Variants in RBFOX1 observed in about 807,000 individuals in gnomAD.
RBFOX1 encodes RNA binding fox-1 homolog 1, also known as RNA binding protein fox-1 homolog 1.
A neutral mutation model predicts 57.7 loss-of-function variants in RBFOX1; 8 were observed. The ratio of observed to expected loss-of-function variants is 0.14; its 90% CI spans 0.08 to 0.25. The LOEUF is 0.25. RBFOX1 is among the 10% of genes least tolerant of loss of function. RBFOX1 has a pLI of 1.00. For missense variants in RBFOX1, 611 were observed against 548.5 expected (o/e 1.11, Z -1.14); for synonymous variants, 326 against 222.4 (o/e 1.47, Z -4.15).
At chr16:6,423,296 C>G (rs1295085555) in intron 2 of RBFOX1, among the ~76,000 whole-genome samples, 1 of 152,174 alleles carries the variant, frequency 6.6e-6, no homozygotes, top group African/African-American at 2.4e-5. Flanking sequence ...GCCATGATCC[C>G]TGTAGGAGGC....
chr16:6,937,545 G>A (rs2077586382), intron 3 of RBFOX1, among the ~76,000 whole-genome samples: 1 of 152,140 alleles, frequency 6.6e-6, no homozygotes, highest in African/African-American at 2.4e-5. Flanking sequence ...ACCCATAGTG[G>A]TCAAGGCACA....
chr16:6,611,539 A>G lies in RBFOX1; in HGVS notation c.-63-43064A>G, dbSNP rs981938902. On this transcript the variant is annotated intron_variant, in intron 2 of 15. Coordinates refer to ENST00000550418, the MANE Select transcript of RBFOX1 (RefSeq NM_018723.4). ...CCCGTGTGATTCTGGTACTCATACA[A>G]CTTGACATTTCTTCTCATCACATGA... Among the ~76,000 whole-genome samples the G allele has an allele frequency of 5.9e-5, 9 of 152,318 alleles. 1 individual carries two copies. In the South Asian group the frequency reaches 1.9e-3, roughly 32 times the overall value.
In RBFOX1 at chr16:5,785,723, C is replaced by G. The variant is rs189758494; in HGVS notation, c.319-81580C>G. 2.6e-5 allele frequency among the ~76,000 whole-genome samples: 4 copies of G among 152,202 alleles called. No homozygotes were observed. In the East Asian group the frequency reaches 7.8e-4, roughly 30 times the overall value. ...TGTATTTTTAATAGAGACAGGGTTTCTCCATGTTGTTCAGGTTGGTCTTGA... is the reference window on the plus strand; with the variant it reads ...TGTATTTTTAATAGAGACAGGGTTTGTCCATGTTGTTCAGGTTGGTCTTGA... On this transcript the variant is annotated intron_variant, in intron 3 of 19. Transcript: ENST00000641259.
chr16:7,216,763 C>G (rs535000345), intron 4 of RBFOX1, among the ~76,000 whole-genome samples: 1 of 152,088 alleles, frequency 6.6e-6, no homozygotes, highest in Non-Finnish European at 1.5e-5. Flanking sequence ...TGTTATAATT[C>G]CTCTTTTCAT....
intron 3 of RBFOX1, among the ~76,000 whole-genome samples, chr16:7,039,892 C>T (rs1467230261): frequency 1.3e-5 from 2 of 151,440 alleles, no homozygotes; most frequent in Non-Finnish European, 2.9e-5. Flanking sequence ...TACTTTCCTA[C>T]TGAAGAGAAT....
rs114403480 is a variant in RBFOX1, at chr16:6,652,479, C to G, written c.-63-2124C>G. On this transcript the variant is annotated intron_variant, in intron 2 of 15. Transcript: ENST00000550418. ...AAAAAAAAAAGCCATGGGTCTGTCT[C>G]CCTTTCTCTCTCTCTCAGAAAGTAT... Among the ~76,000 whole-genome samples the G allele has an allele frequency of 3.4e-3, 519 of 151,950 alleles. 5 individuals are homozygous for G. The highest frequency in any genetic ancestry group is 0.012 in the African/African-American group (496 of 41,460).
chr16:5,594,214 A>AT (rs2047106865), intron 2 of RBFOX1, among the ~76,000 whole-genome samples: 1 of 151,954 alleles, frequency 6.6e-6, no homozygotes, highest in Non-Finnish European at 1.5e-5. Flanking sequence ...TGGAGTGTTT[A>AT]TTTTTTTCCA....
intron 2 of RBFOX1, among the ~76,000 whole-genome samples, chr16:5,563,164 G>A (rs566666250): frequency 8.5e-5 from 13 of 152,164 alleles, no homozygotes; most frequent in Non-Finnish European, 1.8e-4. Flanking sequence ...GGTCAGGCTG[G>A]TCTTGAACTC....
chr16:6,927,704 A>C (rs941023778), intron 3 of RBFOX1, among the ~76,000 whole-genome samples: 3 of 146,586 alleles, frequency 2.0e-5, no homozygotes, highest in Non-Finnish European at 4.5e-5. Flanking sequence ...ATTTTAGGGC[A>C]CTGTAGCAAG....
rs56969136 is a variant in RBFOX1 at position 7,219,612 on chromosome 16, C to T, written c.27+167514C>T. ...GCTGTTGTAGAAAGAACAAGCGTGG[C>T]GGATTTTTCACACTTGATGGGATTG... On this transcript the variant is annotated intron_variant, in intron 4 of 15. Transcript: ENST00000550418. Among the ~76,000 whole-genome samples the T allele has an allele frequency of 8.7e-4, 132 of 152,154 alleles. 1 individual carries two copies. Among genetic ancestry groups the T allele is most frequent in the African/African-American group, 3.0e-3 (126 of 41,492 alleles).
intron 2 of RBFOX1, among the ~76,000 whole-genome samples, chr16:5,506,255 G>A (rs922583892): frequency 6.6e-5 from 10 of 152,226 alleles, no homozygotes; most frequent in Admixed American, 1.3e-4. Context: ...GCCTGCACCA[G>A]CAACTTGCTC....
chr16:6,747,333 G>T (rs1237005866), intron 3 of RBFOX1, among the ~76,000 whole-genome samples: 1 of 152,040 alleles, frequency 6.6e-6, no homozygotes, highest in African/African-American at 2.4e-5. Flanking sequence ...CTTGAACCTA[G>T]GAGGTAGAGA....
chr16:6,014,879 CAA>C (rs989896011), upstream of RBFOX1, among the ~76,000 whole-genome samples: 6 of 149,306 alleles, frequency 4.0e-5, no homozygotes, highest in African/African-American at 1.5e-4. Context: ...TTTCTGAGAC[CAA>C]GTCTCACTCT....
intron 4 of RBFOX1, among the ~76,000 whole-genome samples, chr16:7,502,223 G>A (rs528532630): frequency 4.6e-5 from 7 of 152,186 alleles, no homozygotes; most frequent in Non-Finnish European, 8.8e-5. Flanking sequence ...CAAGTGAGGC[G>A]AATGCAAGCC....
chr16:5,465,950 G>A (rs2068939994), intron 1 of RBFOX1, among the ~76,000 whole-genome samples: 1 of 152,116 alleles, frequency 6.6e-6, no homozygotes, highest in South Asian at 2.1e-4. Flanking sequence ...AGCTCCCAGG[G>A]GCACCTTGTT....
At chr16:7,581,576 T>A (rs923004455) in intron 6 of RBFOX1, among the ~76,000 whole-genome samples, 1 of 152,074 alleles carries the variant, frequency 6.6e-6, no homozygotes, top group African/African-American at 2.4e-5. Flanking sequence ...GTCATAGAGG[T>A]ATTCAAAATA....
chr16:5,974,068 C>T (rs1321822629), intron 4 of RBFOX1, among the ~76,000 whole-genome samples: 1 of 152,162 alleles, frequency 6.6e-6, no homozygotes, highest in African/African-American at 2.4e-5. Context: ...GATTATAATG[C>T]ATATGAAATG....
rs1278609724 is a variant in RBFOX1, at chr16:6,312,711, TCCTC to T, written c.-126-4282_-126-4279del. ...TTCCTTCCTTCCTTCCTTCCTTCCT[TCCTC>T]CATTCCTTCCTTCCTTCCTTACTTC... is the stretch of plus-strand genomic sequence containing the variant. On this transcript the variant is annotated intron_variant, in intron 1 of 15. Coordinates refer to ENST00000550418, the MANE Select transcript of RBFOX1 (RefSeq NM_018723.4). 1.1e-4 allele frequency among the ~76,000 whole-genome samples: 16 copies of T among 139,538 alleles called. No individual in the cohort carries two copies. The Admixed American group carries it at 1.2e-3, about 11-fold the overall frequency. 91.5% of individuals were successfully genotyped at this position (139,538 alleles called of 152,430 possible). A position where few individuals can be genotyped will look rare whatever the true frequency, so the allele number is the denominator to read the frequency against.
rs377009605 is a variant in RBFOX1, at chr16:6,265,219, C to T, written c.-126-51776C>T. Among the ~76,000 whole-genome samples the T allele has an allele frequency of 7.2e-5, 11 of 152,222 alleles. No individual in the cohort carries two copies. In the East Asian group the frequency reaches 1.2e-3, roughly 16 times the overall value. On this transcript the variant is annotated intron_variant, in intron 1 of 15. Transcript: ENST00000550418. ...TTGTCTGGTTACCCTCGGGCCTCTC[C>T]AAGTGGCCCTATTTTTTTTTTGACA...
Sources: allele counts gnomAD v4.1 joint callset (sites outside exome capture counted in the v4.1 genomes callset), GRCh38; gene constraint gnomAD v4.1.1; transcripts MANE v1.5; gene names NCBI Gene and HGNC (gene_info 2026-07-23, HGNC 2026-07-21).